Variants in BRINP3 observed in about 807,000 individuals in gnomAD.
BRINP3 encodes BMP/retinoic acid inducible neural specific 3, also known as BMP/retinoic acid-inducible neural-specific protein 3.
Under a neutral mutation model 71.0 loss-of-function variants are expected in BRINP3, and 19 were observed. The ratio of observed to expected loss-of-function variants is 0.27; its 90% confidence interval spans 0.19 to 0.39. The LOEUF is 0.39. BRINP3 is among the 10% of genes least tolerant of loss of function. The probability of loss-of-function intolerance (pLI) is 1.00; values close to 1 mark genes in which losing one functional copy is unlikely to be tolerated. For synonymous variants in BRINP3, 380 were observed against 337.7 expected (o/e 1.13, Z -1.37); for missense variants, 959 against 940.8 (o/e 1.02, Z -0.25).
chr1:190,465,700 A>G (rs1477005883), intron 1 of BRINP3, among the ~76,000 whole-genome samples: 1 of 151,886 alleles, frequency 6.6e-6, no homozygotes, highest in East Asian at 1.9e-4. Context: ...TGTTGAGTTC[A>G]GAGTTGAGTG....
intron 2 of BRINP3, among the ~76,000 whole-genome samples, chr1:190,399,287 T>C (rs1013741437): frequency 6.6e-6 from 1 of 151,710 alleles, no homozygotes; most frequent in African/African-American, 2.4e-5. Flanking sequence ...AGTAGTATAC[T>C]TTGAAAAGAA....
intron 7 of BRINP3, 63 bp from the exon 8 acceptor site, chr1:190,099,197 C>A: frequency 6.8e-7 from 1 of 1,473,164 alleles, no homozygotes; most frequent in Non-Finnish European, 9.2e-7. Context: ...CTGCAGTAAA[C>A]CGTAGCTCAG....
At chr1:190,146,607 G>C (rs1193877720) in intron 7 of BRINP3, among the ~76,000 whole-genome samples, 2 of 151,850 alleles carry the variant, frequency 1.3e-5, no homozygotes, top group African/African-American at 4.8e-5. Flanking sequence ...ATAATAATTT[G>C]GTAAGGAAAG....
chr1:190,225,326 C>G (rs530816108), intron 6 of BRINP3, among the ~76,000 whole-genome samples: 1 of 151,904 alleles, frequency 6.6e-6, no homozygotes, highest in East Asian at 1.9e-4. Context: ...TCTGCAACAA[C>G]ATGGATGGAA....
At chr1:190,340,113 T>A (rs1244780287) in intron 2 of BRINP3, among the ~76,000 whole-genome samples, 3 of 151,872 alleles carry the variant, frequency 2.0e-5, no homozygotes, top group African/African-American at 7.2e-5. Context: ...GCCTATACAA[T>A]GTGGGGAAAT....
intron 4 of BRINP3, among the ~76,000 whole-genome samples, chr1:190,235,858 A>C (rs1658464799): frequency 1.3e-5 from 2 of 151,956 alleles, no homozygotes; most frequent in Admixed American, 6.6e-5. Context: ...TCAGCTTATA[A>C]AATGCTGTAC....
At chr1:190,304,480 T>C (rs1434200812) in intron 2 of BRINP3, among the ~76,000 whole-genome samples, 5 of 151,740 alleles carry the variant, frequency 3.3e-5, no homozygotes, top group African/African-American at 1.2e-4. Context: ...ATCCATGTAG[T>C]TATAGCCAAC....
Position 190,396,673 on chromosome 1 carries a change from T to G in BRINP3, c.236+57982A>C, listed in dbSNP as rs1671587263. Among the ~76,000 whole-genome samples, 3 of 144,180 alleles carry G rather than the reference T, an allele frequency of 2.1e-5. No individual in the cohort carries two copies. In the South Asian group the frequency reaches 6.6e-4, roughly 32 times the overall value. 94.6% of individuals were successfully genotyped at this position (144,180 alleles called of 152,430 possible). On this transcript the variant is annotated intron_variant, in intron 2 of 7. Coordinates refer to ENST00000367462, the MANE Select transcript of BRINP3 (RefSeq NM_199051.3). ...ACAGAGCATCAAACAGAGATGCATATGTATACACAAACAAACGCACTATGC... is the reference window on the plus strand; with the variant it reads ...ACAGAGCATCAAACAGAGATGCATAGGTATACACAAACAAACGCACTATGC...
intron 2 of BRINP3, 123 bp downstream of exon 2, chr1:190,454,532 A>G (rs1675855885): frequency 4.4e-6 from 3 of 686,182 alleles, no homozygotes; most frequent in East Asian, 2.7e-5. Flanking sequence ...ACTATGGTGC[A>G]TGGTAAATAA....
intron 2 of BRINP3, among the ~76,000 whole-genome samples, chr1:190,337,082 T>G (rs1417605720): frequency 6.6e-6 from 1 of 151,852 alleles, no homozygotes; most frequent in Non-Finnish European, 1.5e-5. Context: ...GAGAAATCAG[T>G]CAACATGAAC....
chr1:190,417,910 C>G (rs1344971978), intron 2 of BRINP3, among the ~76,000 whole-genome samples: 1 of 152,130 alleles, frequency 6.6e-6, no homozygotes, highest in Non-Finnish European at 1.5e-5. Context: ...AGCTATTATT[C>G]AACTCGATTC....
intron 4 of BRINP3, among the ~76,000 whole-genome samples, chr1:190,263,587 CTTT>C (rs34792964): frequency 9.3e-5 from 12 of 129,440 alleles, no homozygotes; most frequent in Admixed American, 8.3e-5. Flanking sequence ...GAAGTAGTAA[CTTT>C]TTTTTTTTTT....
chr1:190,445,765 A>G (rs192042536), intron 2 of BRINP3, among the ~76,000 whole-genome samples: 3 of 152,310 alleles, frequency 2.0e-5, no homozygotes, highest in Non-Finnish European at 2.9e-5. Flanking sequence ...AATTCTGGCA[A>G]TTTCACTTGG....
chr1:190,269,843 T>C (rs1328494792), intron 3 of BRINP3, among the ~76,000 whole-genome samples: 1 of 152,018 alleles, frequency 6.6e-6, no homozygotes, highest in Non-Finnish European at 1.5e-5. Flanking sequence ...CAGGGAACAT[T>C]GGCAATATAT....
At chr1:190,227,750 A>G (rs960201444) in intron 5 of BRINP3, among the ~76,000 whole-genome samples, 2 of 151,908 alleles carry the variant, frequency 1.3e-5, no homozygotes, top group African/African-American at 2.4e-5. Context: ...TGGGTTATAT[A>G]TTAATATATT....
intron 1 of BRINP3, among the ~76,000 whole-genome samples, chr1:190,457,336 C>T (rs141697839): frequency 6.6e-6 from 1 of 152,144 alleles, no homozygotes; most frequent in East Asian, 1.9e-4. Context: ...CCTGGCTATT[C>T]TAGATGCTGA....
intron 4 of BRINP3, among the ~76,000 whole-genome samples, chr1:190,248,024 T>A (rs766007286): frequency 1.1e-4 from 17 of 151,872 alleles, no homozygotes; most frequent in Non-Finnish European, 2.4e-4. Flanking sequence ...ATTCAGCAAA[T>A]GCTATGGAGA....
Position 190,454,887 on chromosome 1 carries a change from T to C in BRINP3, c.4A>G (p.Ile2Val). The change falls in exon 2 of 8, where the codon ATA becomes GTA. Residue 2 changes from isoleucine (I) to valine (V), a missense_variant. Transcript: ENST00000367462. ...TCAGCACCAGCTCTGCTTCGCCATA[T>C]CATGCTTCCACTGGGGATTTAGAGC... M[I>V]WRSRAGAELF... 6.2e-7 allele frequency: 1 copy of C among 1,613,504 alleles called. No homozygotes were observed. The highest frequency in any genetic ancestry group is 1.1e-5 in the South Asian group (1 of 91,058).
intron 5 of BRINP3, among the ~76,000 whole-genome samples, chr1:190,226,984 A>G (rs936614026): frequency 5.9e-5 from 9 of 151,956 alleles, no homozygotes; most frequent in African/African-American, 2.2e-4. Context: ...TAAAGTTGCT[A>G]TCTCTTAAAA....
Sources: allele counts gnomAD v4.1 joint callset (sites outside exome capture counted in the v4.1 genomes callset), GRCh38; gene constraint gnomAD v4.1.1; transcripts MANE v1.5; gene names NCBI Gene and HGNC (gene_info 2026-07-23, HGNC 2026-07-21).